VCF1: variants seen among roughly 807,000 people sequenced by gnomAD.
The protein encoded by VCF1 is protein VCF1.
the VCF1 span, among the ~76,000 whole-genome samples, chr17:73,217,118 C>T: frequency 7.9e-5 from 12 of 152,036 alleles, no homozygotes; most frequent in African/African-American, 2.7e-4. Context: ...TCAGTTGAGG[C>T]CAGGAGTTCG....
the VCF1 span, chr17:73,208,796 C>A: frequency 1.6e-5 from 6 of 365,414 alleles, no homozygotes; most frequent in Non-Finnish European, 3.2e-5. Flanking sequence ...ACTTTACTTG[C>A]AGAACTGTGC....
At chr17:73,209,526 ACAT>A in the VCF1 span, 1 of 1,579,040 alleles carries the variant, frequency 6.3e-7, no homozygotes, top group Non-Finnish European at 8.6e-7. Context: ...AACTGCCGGC[ACAT>A]CATGTCAGAG....
the VCF1 span, among the ~76,000 whole-genome samples, chr17:73,222,629 T>G: frequency 6.6e-6 from 1 of 151,804 alleles, no homozygotes; most frequent in Non-Finnish European, 1.5e-5. Context: ...ATACAAAAAT[T>G]TGCTGGGCGA....
chr17:73,222,635 G>A, the VCF1 span, among the ~76,000 whole-genome samples: 1 of 152,032 alleles, frequency 6.6e-6, no homozygotes, highest in Non-Finnish European at 1.5e-5. Flanking sequence ...AAATTTGCTG[G>A]GCGAGCTGGC....
the VCF1 span, among the ~76,000 whole-genome samples, chr17:73,210,495 TAAAA>T: frequency 5.7e-5 from 8 of 140,452 alleles, no homozygotes; most frequent in African/African-American, 2.1e-4. Flanking sequence ...GTTCATGTTT[TAAAA>T]AAAAAAAAAA....
At chr17:73,224,930 G>GACAGC in the VCF1 span, among the ~76,000 whole-genome samples, 1,093 of 85,794 alleles carry the variant, frequency 0.013, 35 homozygotes, top group African/African-American at 0.014. Context: ...GACAGGACAG[G>GACAGC]ACAGCACAGC....
the VCF1 span, among the ~76,000 whole-genome samples, chr17:73,216,363 G>A: frequency 6.6e-6 from 1 of 152,198 alleles, no homozygotes; most frequent in Non-Finnish European, 1.5e-5. Flanking sequence ...AAGACCATTG[G>A]TGAGCCTGGC....
chr17:73,208,605 C>G, the VCF1 span: 1 of 939,050 alleles, frequency 1.1e-6, no homozygotes, highest in Non-Finnish European at 1.7e-6. Context: ...CTTTAAGCAT[C>G]AAGTTAATCC....
At chr17:73,209,758 C>T in the VCF1 span, 1 of 1,541,954 alleles carries the variant, frequency 6.5e-7, no homozygotes, top group Admixed American at 2.0e-5. Context: ...ACCACTGTCA[C>T]TGCCTGAAGA....
the VCF1 span, among the ~76,000 whole-genome samples, chr17:73,224,912 C>CAACAGCACAGCACAGCAT: frequency 6.7e-6 from 1 of 150,192 alleles, no homozygotes; most frequent in African/African-American, 2.5e-5. Flanking sequence ...CAGGACAGGA[C>CAACAGCACAGCACAGCAT]AGGACAGGAC....
the VCF1 span, among the ~76,000 whole-genome samples, chr17:73,225,901 T>TATATAATATATATATATATA: frequency 1.3e-5 from 1 of 78,362 alleles, no homozygotes; most frequent in African/African-American, 6.3e-5. Context: ...ATATATATAT[T>TATATAATATATATATATATA]TTTTTTTTTT....
chr17:73,211,677 A>G, the VCF1 span, among the ~76,000 whole-genome samples: 1 of 151,318 alleles, frequency 6.6e-6, no homozygotes, highest in African/African-American at 2.4e-5. Flanking sequence ...CTGGCCAACA[A>G]GGTGAAACCC....
At chr17:73,211,401 T>G in the VCF1 span, among the ~76,000 whole-genome samples, 3 of 151,994 alleles carry the variant, frequency 2.0e-5, no homozygotes, top group Admixed American at 1.3e-4. Context: ...AAACCCCGTA[T>G]CAATTAAAAA....
At chr17:73,214,996 G>T in the VCF1 span, among the ~76,000 whole-genome samples, 1 of 152,172 alleles carries the variant, frequency 6.6e-6, no homozygotes, top group African/African-American at 2.4e-5. Flanking sequence ...CATCTGACCA[G>T]GCTATTTTCA....
chr17:73,232,144 C>T, the VCF1 span: 1 of 1,610,232 alleles, frequency 6.2e-7, no homozygotes, highest in Non-Finnish European at 8.5e-7. Flanking sequence ...GGCGCCGCTC[C>T]GCGAAGAGAG....
At chr17:73,217,929 G>A in the VCF1 span, among the ~76,000 whole-genome samples, 3 of 152,262 alleles carry the variant, frequency 2.0e-5, no homozygotes, top group East Asian at 3.9e-4. Context: ...CTGAGATCAC[G>A]CCACTGCACT....
the VCF1 span, among the ~76,000 whole-genome samples, chr17:73,225,460 T>TA: frequency 1.5e-4 from 23 of 151,922 alleles, no homozygotes; most frequent in African/African-American, 5.6e-4. Flanking sequence ...TCTTTTTTTT[T>TA]AACCAAGAGA....
At chr17:73,232,305 A>G in the VCF1 span, 3 of 1,576,376 alleles carry the variant, frequency 1.9e-6, no homozygotes, top group Non-Finnish European at 2.6e-6. Flanking sequence ...GCGCCCCCCC[A>G]TGTCGCTGCC....
At chr17:73,209,593 A>T in the VCF1 span, 1 of 1,583,014 alleles carries the variant, frequency 6.3e-7, no homozygotes, top group Non-Finnish European at 8.6e-7. Flanking sequence ...GGTCTGGTTG[A>T]TGTGGAAGTA....
Sources: allele counts gnomAD v4.1 joint callset (sites outside exome capture counted in the v4.1 genomes callset), GRCh38; gene constraint gnomAD v4.1.1; transcripts MANE v1.5; gene names NCBI Gene and HGNC (gene_info 2026-07-23, HGNC 2026-07-21).